The following PPP2CB variants were observed in gnomAD, a reference collection of about 807,000 sequenced individuals.
PPP2CB encodes the protein protein phosphatase 2 catalytic subunit beta, also known as serine/threonine-protein phosphatase 2A catalytic subunit beta isoform.
In PPP2CB, 18 loss-of-function variants were observed where a neutral mutation model predicts 39.1. The ratio of observed to expected loss-of-function variants is 0.46; its 90% CI spans 0.32 to 0.68. PPP2CB has a LOEUF of 0.68. PPP2CB is among the 30% of genes least tolerant of loss of function. The pLI, the probability that PPP2CB is intolerant of heterozygous loss-of-function variation, is 0.04. For missense variants in PPP2CB, 226 were observed against 396.9 expected, an observed-to-expected ratio of 0.57 and a Z score of 3.66; for synonymous variants, 129 against 133.8, an observed-to-expected ratio of 0.96 and a Z score of 0.25.
chr8:30,792,553 C>A (rs1806457225), intron 5 of PPP2CB, among the ~76,000 whole-genome samples: 2 of 151,884 alleles, frequency 1.3e-5, no homozygotes, highest in South Asian at 4.2e-4. Flanking sequence ...AAGTGACCCT[C>A]TCACCTCAGC....
chr8:30,805,680 A>C (rs1428448747), intron 1 of PPP2CB, among the ~76,000 whole-genome samples: 1 of 152,218 alleles, frequency 6.6e-6, no homozygotes, highest in African/African-American at 2.4e-5. Context: ...CTTTTTTCTA[A>C]GATTGAATAG....
At chr8:30,797,267 T>G (rs1263088967) in intron 3 of PPP2CB, among the ~76,000 whole-genome samples, 1 of 152,274 alleles carries the variant, frequency 6.6e-6, no homozygotes, top group Non-Finnish European at 1.5e-5. Flanking sequence ...AAATAACATC[T>G]TGCTTTGCTA....
At chr8:30,786,697 T>C (rs927120669) in intron 6 of PPP2CB, among the ~76,000 whole-genome samples, 2 of 148,316 alleles carry the variant, frequency 1.3e-5, no homozygotes, top group Non-Finnish European at 3.0e-5. Context: ...AGAGTCTTGC[T>C]CTGTCGCCCA....
intron 2 of PPP2CB, among the ~76,000 whole-genome samples, chr8:30,798,718 T>A (rs938846273): frequency 2.0e-5 from 3 of 152,176 alleles, no homozygotes; most frequent in African/African-American, 4.8e-5. Flanking sequence ...AGGACATATG[T>A]AAAATAATAA....
chr8:30,788,961 AT>A (rs1806386236), intron 6 of PPP2CB, among the ~76,000 whole-genome samples: 1 of 149,760 alleles, frequency 6.7e-6, no homozygotes, highest in South Asian at 2.1e-4. Context: ...GTGGTTTATT[AT>A]TTTTGTTTAG....
Position 30,812,507 on chromosome 8 carries a change from C to G in PPP2CB, c.-86G>C. The G allele has an allele frequency of 2.1e-6, 2 of 931,234 alleles. No homozygotes were observed. The highest frequency in any genetic ancestry group is 2.9e-6 in the Non-Finnish European group (2 of 695,274). 57.7% of individuals were successfully genotyped at this position (931,234 alleles called of 1,614,324 possible). A position where few individuals can be genotyped will look rare whatever the true frequency, so the allele number is the denominator to read the frequency against. On this transcript the variant is annotated 5_prime_UTR_variant, in exon 1 of 7. Coordinates refer to ENST00000221138, the MANE Select transcript of PPP2CB (RefSeq NM_001009552.2). ...CACCCGCCCCCGGCCCCGGCCCGGG[C>G]GCCGCTCCCCTCTCCCTCCGCCGCC...
chr8:30,790,921 A>G lies in PPP2CB; in HGVS notation c.857+276T>C, dbSNP rs529503010. On this transcript the variant is annotated intron_variant, in intron 6 of 6. Coordinates refer to ENST00000221138, the MANE Select transcript of PPP2CB (RefSeq NM_001009552.2). ...TGGGAGGAGTTGGAGGGGGCAAGTC[A>G]TAGCTCAAATGCCACAGACTACGGC... 1.4e-3 allele frequency: 383 copies of G among 277,906 alleles called. 1 individual carries two copies. The highest frequency in any genetic ancestry group is 2.2e-3 in the Non-Finnish European group (336 of 149,960). The allele number at this position is 277,906 out of a possible 1,614,324, so 17.2% of individuals were successfully genotyped here.
In PPP2CB at chr8:30,797,585, C is replaced by G; in HGVS notation, c.482G>C (p.Gly161Ala). The change falls in exon 3 of 7, where the codon GGA becomes GCA. Residue 161 changes from glycine to alanine, a missense_variant. By Grantham distance (60) the Gly-to-Ala change is moderately conservative (BLOSUM62 0). This residue lies in a region of PPP2CB where 110 missense variants were observed against 244.1 expected (regional missense o/e 0.45). Transcript: ENST00000221138. Reference protein sequence around the residue: ...DYLPLTALVDGQIFCLHGGLS... With the variant: ...DYLPLTALVDAQIFCLHGGLS... Reference sequence around the variant, plus strand: ...TGTAAGCACACATATACATACCTGTCCATCTACTAAAGCTGTAAGTGGAAG... The same window carrying G: ...TGTAAGCACACATATACATACCTGTGCATCTACTAAAGCTGTAAGTGGAAG... 1 of 1,611,714 alleles carries G rather than the reference C, an allele frequency of 6.2e-7. No individual in the cohort carries two copies. The highest frequency in any genetic ancestry group is 2.2e-5 in the East Asian group (1 of 44,844).
intron 1 of PPP2CB, chr8:30,810,332 T>A (rs376518428): frequency 5.3e-5 from 8 of 152,236 alleles, no homozygotes; most frequent in African/African-American, 1.9e-4. Flanking sequence ...GCACCTGTAA[T>A]CCCAGTTACT....
chr8:30,808,106 C>T (rs960591594), intron 1 of PPP2CB, among the ~76,000 whole-genome samples: 4 of 151,966 alleles, frequency 2.6e-5, no homozygotes, highest in African/African-American at 9.7e-5. Flanking sequence ...ACTCCTTCAG[C>T]TTTCTTTTTT....
At chr8:30,792,619 C>CTTT (rs770242496) in intron 5 of PPP2CB, among the ~76,000 whole-genome samples, 2 of 131,504 alleles carry the variant, frequency 1.5e-5, no homozygotes, top group Non-Finnish European at 1.7e-5. Context: ...AACTTTTTGA[C>CTTT]TTTTTTTTTT....
intron 1 of PPP2CB, among the ~76,000 whole-genome samples, chr8:30,811,320 C>T (rs1806822433): frequency 6.6e-6 from 1 of 152,182 alleles, no homozygotes; most frequent in African/African-American, 2.4e-5. Flanking sequence ...TTCCAGCAAA[C>T]ACTGTTCCCA....
chr8:30,786,710 C>G (rs1296377235), intron 6 of PPP2CB, among the ~76,000 whole-genome samples: 1 of 142,698 alleles, frequency 7.0e-6, no homozygotes, highest in Non-Finnish European at 1.5e-5. Context: ...GTCGCCCAGG[C>G]TGGAGTGCAC....
intron 6 of PPP2CB, among the ~76,000 whole-genome samples, chr8:30,787,048 T>G (rs1806354422): frequency 6.6e-6 from 1 of 152,360 alleles, no homozygotes. Context: ...TCATGTGTTT[T>G]TTAATCCCTT....
At chr8:30,791,941 TG>T (rs1806440605) in intron 5 of PPP2CB, among the ~76,000 whole-genome samples, 1 of 150,320 alleles carries the variant, frequency 6.7e-6, no homozygotes, top group South Asian at 2.1e-4. Flanking sequence ...TATGTATACA[TG>T]TATGTGTGCG....
At chr8:30,792,033 CAT>C (rs766215502) in intron 5 of PPP2CB, among the ~76,000 whole-genome samples, 5 of 151,214 alleles carry the variant, frequency 3.3e-5, no homozygotes, top group African/African-American at 4.9e-5. Flanking sequence ...TATATGTATA[CAT>C]ATATATACAT....
intron 1 of PPP2CB, among the ~76,000 whole-genome samples, chr8:30,807,260 C>T (rs550087093): frequency 1.7e-4 from 26 of 152,296 alleles, no homozygotes; most frequent in African/African-American, 6.0e-4. Context: ...TTTTGCCTGT[C>T]AAGACCACTA....
chr8:30,796,902 G>A (rs1197740086), intron 3 of PPP2CB, among the ~76,000 whole-genome samples: 1 of 152,202 alleles, frequency 6.6e-6, no homozygotes, highest in East Asian at 1.9e-4. Context: ...CTGAAGCCCA[G>A]GCTGGATCAC....
At chr8:30,810,550 G>A (rs887660817) in intron 1 of PPP2CB, among the ~76,000 whole-genome samples, 2 of 152,194 alleles carry the variant, frequency 1.3e-5, no homozygotes, top group African/African-American at 4.8e-5. Flanking sequence ...CTCATAGTCA[G>A]GTTAACTGAC....
Sources: gnomAD v4.1 joint callset for allele counts (sites outside exome capture counted in the v4.1 genomes callset) on GRCh38, gnomAD v4.1.1 for gene constraint, gnomAD v4.1.1 regional missense constraint, MANE v1.5 for transcripts, NCBI Gene and HGNC (gene_info 2026-07-23, HGNC 2026-07-21) for gene names.